SHANK2: variants seen among roughly 807,000 people sequenced by gnomAD.
SHANK2 encodes SH3 and multiple ankyrin repeat domains 2.
In SHANK2, 43 loss-of-function variants were observed where a neutral mutation model predicts 133.7. The ratio of observed to expected loss-of-function variants is 0.32; its 90% CI spans 0.25 to 0.41. The LOEUF (loss-of-function observed/expected upper bound fraction) is 0.41. SHANK2 is among the 10% of genes least tolerant of loss of function. The probability of loss-of-function intolerance (pLI) is 1.00; values close to 1 mark genes in which losing one functional copy is unlikely to be tolerated. For synonymous variants in SHANK2, 1,017 were observed against 952.8 expected (o/e 1.07, Z -1.24); for missense variants, 1,994 against 2,235.8 (o/e 0.89, Z 2.18).
At chr11:70,521,638 A>G (rs2059331638) in intron 17 of SHANK2, among the ~76,000 whole-genome samples, 1 of 152,104 alleles carries the variant, frequency 6.6e-6, no homozygotes, top group Non-Finnish European at 1.5e-5. Context: ...GTGTTTCTGT[A>G]TGTGTATGTG....
chr11:70,637,601 G>A (rs1056338217), intron 17 of SHANK2, among the ~76,000 whole-genome samples: 7 of 152,318 alleles, frequency 4.6e-5, no homozygotes, highest in East Asian at 1.9e-4. Context: ...GGTGTGACCC[G>A]TGGGAGGCCG....
At chr11:70,868,966 G>A (rs1164959269) in intron 11 of SHANK2, among the ~76,000 whole-genome samples, 1 of 152,180 alleles carries the variant, frequency 6.6e-6, no homozygotes, top group Admixed American at 6.5e-5. Flanking sequence ...TCACCCCCAG[G>A]ATATCAGCAT....
chr11:70,690,103 A>T (rs1555020609), intron 15 of SHANK2, among the ~76,000 whole-genome samples: 1 of 147,856 alleles, frequency 6.8e-6, no homozygotes, highest in East Asian at 1.9e-4. Context: ...AGCTCAGTGA[A>T]GTGAAGTTGC....
intron 14 of SHANK2, among the ~76,000 whole-genome samples, chr11:70,716,241 G>A (rs189934861): frequency 6.6e-6 from 1 of 152,214 alleles, no homozygotes; most frequent in East Asian, 1.9e-4. Flanking sequence ...CTGGCACGAG[G>A]TGCTCAACAC....
chr11:70,510,651 A>C (rs1404660823), intron 17 of SHANK2, among the ~76,000 whole-genome samples: 2 of 152,178 alleles, frequency 1.3e-5, no homozygotes, highest in Non-Finnish European at 2.9e-5. Flanking sequence ...ACCTGTCTGC[A>C]GGAAGAGGGT....
Position 70,493,306 on chromosome 11 carries a change from G to A in SHANK2, c.2309-841C>T, listed in dbSNP as rs1300413018. ...GGCCAGGGTGCTCGTGGCCCCAGGC[G>A]TTAGTAAGTGTTGCAGAGGGAAGGT... On this transcript the variant is annotated intron_variant, in intron 21 of 25. Coordinates refer to ENST00000601538, the MANE Select transcript of SHANK2 (RefSeq NM_012309.5). 3.4e-5 allele frequency among the ~76,000 whole-genome samples: 5 copies of A among 147,532 alleles called. No homozygotes were observed. The East Asian group carries it at 5.9e-4, about 18-fold the overall frequency.
At position 70,926,381 on chromosome 11, in the gene SHANK2, T is replaced by C. The variant is rs541372274; in HGVS notation, c.1108-29814A>G. Among the ~76,000 whole-genome samples the C allele has an allele frequency of 1.2e-4, 18 of 152,282 alleles. No individual in the cohort carries two copies. In the South Asian group the frequency reaches 1.7e-3, roughly 14 times the overall value. On this transcript the variant is annotated intron_variant, in intron 10 of 25. Coordinates refer to ENST00000601538, the MANE Select transcript of SHANK2 (RefSeq NM_012309.5). ...ACATGCTTGGCTCAGTAAGCCAAGA[T>C]GGCGCCACCGCACTCTGGCCTGGGT... is the stretch of plus-strand genomic sequence containing the variant.
intron 9 of SHANK2, among the ~76,000 whole-genome samples, chr11:71,066,257 AG>A (rs1203646071): frequency 1.4e-3 from 12 of 8,718 alleles, no homozygotes; most frequent in African/African-American, 3.2e-3. Context: ...TTGGCGGGGG[AG>A]GGTACAGAAC....
chr11:70,492,526 G>C (rs2058905075), intron 21 of SHANK2, 61 bp from the exon 22 acceptor site: 1 of 1,607,802 alleles, frequency 6.2e-7, no homozygotes, highest in Non-Finnish European at 8.5e-7. Flanking sequence ...GGTGTAGATA[G>C]GAAAGCGCAC....
At chr11:71,057,063 A>G (rs2135920328) in intron 9 of SHANK2, among the ~76,000 whole-genome samples, 1 of 152,310 alleles carries the variant, frequency 6.6e-6, no homozygotes, top group African/African-American at 2.4e-5. Context: ...GGCCATGCGC[A>G]GTAGCTCACA....
chr11:71,110,188 C>T, intron 5 of SHANK2, 139 bp from the exon 6 acceptor site: 1 of 643,844 alleles, frequency 1.6e-6, no homozygotes, highest in Non-Finnish European at 2.7e-6. Context: ...CCTGTAATCC[C>T]AGCACTTTGT....
chr11:70,893,170 T>C (rs1949878088), intron 11 of SHANK2, among the ~76,000 whole-genome samples: 1 of 152,230 alleles, frequency 6.6e-6, no homozygotes. Context: ...CTGTAGTACT[T>C]GGTAAGTGCT....
chr11:70,945,000 C>T (rs1189356424), intron 10 of SHANK2, among the ~76,000 whole-genome samples: 1 of 152,204 alleles, frequency 6.6e-6, no homozygotes, highest in Non-Finnish European at 1.5e-5. Flanking sequence ...AAATTCCCTT[C>T]TGTTCCCCAA....
In SHANK2 at chr11:70,820,688, G is replaced by T; in HGVS notation, c.1175-6C>A. On this transcript the variant is annotated splice_region_variant and splice_polypyrimidine_tract_variant and intron_variant, in intron 11 of 25. Coordinates refer to ENST00000601538, the MANE Select transcript of SHANK2 (RefSeq NM_012309.5). Reference sequence around the variant, plus strand: ...CGGGGCCTCTCGGAAGGGCACTGGGGAGAAGGACATGGAGAGAGGCCGGTG... The same window carrying T: ...CGGGGCCTCTCGGAAGGGCACTGGGTAGAAGGACATGGAGAGAGGCCGGTG... 1.5e-6 allele frequency: 1 copy of T among 669,060 alleles called. No individual in the cohort carries two copies. The highest frequency in any genetic ancestry group is 2.8e-6 in the Non-Finnish European group (1 of 362,898). The allele number at this position is 669,060 out of a possible 1,614,324, so 41.4% of individuals were successfully genotyped here.
intron 11 of SHANK2, among the ~76,000 whole-genome samples, chr11:70,876,243 GACACACACAC>G (rs3064243): frequency 8.2e-5 from 11 of 134,934 alleles, no homozygotes; most frequent in African/African-American, 2.8e-4. Context: ...CACACATATA[GACACACACAC>G]ACACACACAC....
intron 15 of SHANK2, among the ~76,000 whole-genome samples, chr11:70,690,139 T>C (rs1945244808): frequency 6.6e-6 from 1 of 152,120 alleles, no homozygotes; most frequent in South Asian, 2.1e-4. Context: ...TACTGAGAGC[T>C]GGAGTTCAAA....
chr11:70,626,708 C>A lies in SHANK2; in HGVS notation c.2061+33120G>T, dbSNP rs532178972. On this transcript the variant is annotated intron_variant, in intron 17 of 25. Transcript: ENST00000601538. Reference sequence around the variant, plus strand: ...ACCAGAGGCTACTATCCCTGTAGTACCTCTGAAAGGCCAATCCTTGTAGCA... The same window carrying A: ...ACCAGAGGCTACTATCCCTGTAGTAACTCTGAAAGGCCAATCCTTGTAGCA... 2.0e-5 allele frequency among the ~76,000 whole-genome samples: 3 copies of A among 152,322 alleles called. No homozygotes were observed. In the South Asian group the frequency reaches 6.2e-4, roughly 32 times the overall value.
intron 14 of SHANK2, among the ~76,000 whole-genome samples, chr11:70,787,327 C>T (rs1555046795): frequency 6.7e-6 from 1 of 150,304 alleles, no homozygotes; most frequent in Non-Finnish European, 1.5e-5. Context: ...TCACCATGAC[C>T]ACCATGACCA....
intron 17 of SHANK2, among the ~76,000 whole-genome samples, chr11:70,550,868 A>G (rs1236981903): frequency 6.6e-6 from 1 of 152,222 alleles, no homozygotes; most frequent in Non-Finnish European, 1.5e-5. Context: ...TCCATGGAGC[A>G]GGTCTGAGAA....
Sources: gnomAD v4.1 joint callset for allele counts (sites outside exome capture counted in the v4.1 genomes callset) on GRCh38, gnomAD v4.1.1 for gene constraint, MANE v1.5 for transcripts, NCBI Gene and HGNC (gene_info 2026-07-23, HGNC 2026-07-21) for gene names.